Variants in PCDHGA4 observed in about 807,000 individuals in gnomAD.
PCDHGA4 encodes protocadherin gamma subfamily A, 4, also known as protocadherin gamma-A4.
A neutral mutation model predicts 54.6 loss-of-function variants in PCDHGA4; 38 were observed. That is an observed-to-expected ratio of 0.70 (90% CI 0.54 to 0.91). The LOEUF (loss-of-function observed/expected upper bound fraction) is 0.91, where lower values mean the gene tolerates loss of function less well. PCDHGA4 is among the 40% of genes least tolerant of loss of function. The pLI is 0.00. For missense variants in PCDHGA4, 1,298 were observed against 1,220.9 expected, an observed-to-expected ratio of 1.06 and a Z score of -0.94; for synonymous variants, 511 against 512.9, an observed-to-expected ratio of 1.00 and a Z score of 0.05.
chr5:141,473,925 T>C (rs1338065496), intron 1 of PCDHGA4, among the ~76,000 whole-genome samples: 1 of 152,124 alleles, frequency 6.6e-6, no homozygotes, highest in East Asian at 1.9e-4. Context: ...AACTATGAGC[T>C]GGGTGCAGTA....
At chr5:141,466,027 CAGG>C (rs1174989171) in intron 1 of PCDHGA4, among the ~76,000 whole-genome samples, 1 of 151,890 alleles carries the variant, frequency 6.6e-6, no homozygotes, top group African/African-American at 2.4e-5. Context: ...GAGGGTGAGG[CAGG>C]AGAACGGCAT....
intron 1 of PCDHGA4, chr5:141,388,637 T>C (rs993746447): frequency 6.2e-7 from 1 of 1,613,880 alleles, no homozygotes; most frequent in Non-Finnish European, 8.5e-7. Flanking sequence ...GGGTGAGCCT[T>C]TCAGAAAACG....
At chr5:141,362,741 T>C in intron 1 of PCDHGA4, 1 of 734,108 alleles carries the variant, frequency 1.4e-6, no homozygotes, top group Non-Finnish European at 2.2e-6. Flanking sequence ...TATTTACCCA[T>C]GATTGCAAAC....
intron 1 of PCDHGA4, chr5:141,420,367 T>C: frequency 7.3e-7 from 1 of 1,360,684 alleles, no homozygotes; most frequent in Non-Finnish European, 9.7e-7. Flanking sequence ...CTAGATAACT[T>C]CTTCATAGAG....
At chr5:141,414,904 A>G in intron 1 of PCDHGA4, 2 of 1,614,190 alleles carry the variant, frequency 1.2e-6, no homozygotes, top group Non-Finnish European at 1.7e-6. Context: ...AGACGGTTCC[A>G]CAGGCGTGGA....
chr5:141,364,366 G>A (rs755664508), intron 1 of PCDHGA4: 1 of 1,563,758 alleles, frequency 6.4e-7, no homozygotes, highest in South Asian at 1.2e-5. Context: ...GCTGCGGAGA[G>A]CTGCTGCTGC....
chr5:141,491,817 G>T lies in PCDHGA4; in HGVS notation c.2515-2990G>T. On this transcript the variant is annotated intron_variant, in intron 1 of 3. Transcript: ENST00000571252. The surrounding 1 kb of genome is among the most constrained non-coding windows in gnomAD (Gnocchi z 6.9). ...TCTCCGGCCGGCTTGGTCGCTGGCT[G>T]CGCTCCACCCGATTCTCGGGATCAT... 1.3e-6 allele frequency: 2 copies of T among 1,484,188 alleles called. No homozygotes were observed. The highest frequency in any genetic ancestry group is 1.8e-6 in the Non-Finnish European group (2 of 1,117,664). 91.9% of individuals were successfully genotyped at this position (1,484,188 alleles called of 1,614,324 possible).
At chr5:141,383,357 CG>C (rs1779064068) in intron 1 of PCDHGA4, 2 of 1,613,956 alleles carry the variant, frequency 1.2e-6, no homozygotes, top group Non-Finnish European at 1.7e-6. Flanking sequence ...GTTCGGTTTC[CG>C]TTAAGCGAGG....
At chr5:141,509,908 G>A (rs376035312) in intron 3 of PCDHGA4, among the ~76,000 whole-genome samples, 1 of 152,164 alleles carries the variant, frequency 6.6e-6, no homozygotes, top group African/African-American at 2.4e-5. Flanking sequence ...TCCAGCATGC[G>A]CTTAGGTACA....
chr5:141,458,496 A>T (rs905073741), intron 1 of PCDHGA4, among the ~76,000 whole-genome samples: 1 of 151,694 alleles, frequency 6.6e-6, no homozygotes, highest in Non-Finnish European at 1.5e-5. Flanking sequence ...CTGCCTGTAC[A>T]TACTGTTTGA....
intron 1 of PCDHGA4, among the ~76,000 whole-genome samples, chr5:141,464,882 A>T (rs1418376370): frequency 6.6e-6 from 1 of 151,918 alleles, no homozygotes; most frequent in Middle Eastern, 3.2e-3. Context: ...AGGACTACAG[A>T]TGGATGCCAC....
chr5:141,386,522 C>T (rs1561611649), intron 1 of PCDHGA4, among the ~76,000 whole-genome samples: 3 of 152,174 alleles, frequency 2.0e-5, no homozygotes, highest in African/African-American at 4.8e-5. Flanking sequence ...CAAAAAAAGA[C>T]TCTTTTTAGA....
intron 1 of PCDHGA4, chr5:141,364,694 G>C (rs1404182809): frequency 4.3e-6 from 7 of 1,613,976 alleles, no homozygotes; most frequent in Non-Finnish European, 5.1e-6. Flanking sequence ...AGTAGAAGTA[G>C]AAATAATCGA....
In PCDHGA4 at chr5:141,414,978, C is replaced by T. The variant is rs757917979; in HGVS notation, c.2514+57357C>T. On this transcript the variant is annotated intron_variant, in intron 1 of 3. Coordinates refer to ENST00000571252, the MANE Select transcript of PCDHGA4 (RefSeq NM_018917.4). The stretch of plus-strand genomic sequence containing the variant: ...CCAAGGTGGTGGCGGTGGACAGAGA[C>T]TCCGGCCAGAACGCCTGGCTGTCCT... 8 of 1,613,878 alleles carry T rather than the reference C, an allele frequency of 5.0e-6. No individual in the cohort carries two copies. The South Asian group carries it at 8.8e-5, about 18-fold the overall frequency.
rs200317374 is a variant in PCDHGA4 at position 141,408,395 on chromosome 5, A to G, written c.2514+50774A>G. On this transcript the variant is annotated intron_variant, in intron 1 of 3. Coordinates refer to ENST00000571252, the MANE Select transcript of PCDHGA4 (RefSeq NM_018917.4). ...CAGTGTCCTGGATGTGTCGGCTCGC[A>G]AGCTGCGAGTGAGCGCGGAGAAGCT... 8.8e-3 allele frequency: 14,159 copies of G among 1,613,888 alleles called. 310 individuals are homozygous for G. Among genetic ancestry groups the G allele is most frequent in the South Asian group, 0.064 (5,857 of 91,072 alleles).
Position 141,476,934 on chromosome 5 carries a change from A to G in PCDHGA4, c.2515-17873A>G, listed in dbSNP as rs199685528. On this transcript the variant is annotated intron_variant, in intron 1 of 3. Transcript: ENST00000571252. The surrounding 1 kb of genome is among the most constrained non-coding windows in gnomAD (Gnocchi z 7.6). ...CAAGTCCTTGCAACGGATCTGGATG[A>G]AGGCCCCAACGGTGAAATTATTTAC... 255 of 1,614,164 alleles carry G rather than the reference A, an allele frequency of 1.6e-4. 3 individuals carry two copies. In the South Asian group the frequency reaches 2.6e-3, roughly 16 times the overall value.
intron 1 of PCDHGA4, chr5:141,408,940 A>G: frequency 1.2e-6 from 2 of 1,613,658 alleles, no homozygotes; most frequent in Non-Finnish European, 1.7e-6. Context: ...GCAGAGACGA[A>G]TATAGAATTA....
chr5:141,393,735 G>T, intron 1 of PCDHGA4: 1 of 1,613,858 alleles, frequency 6.2e-7, no homozygotes, highest in Non-Finnish European at 8.5e-7. Context: ...AAAAAGTCTA[G>T]ATTATGAAGA....
At position 141,399,158 on chromosome 5, in the gene PCDHGA4, C is replaced by T. The variant is rs575806440; in HGVS notation, c.2514+41537C>T. 17 of 1,613,790 alleles carry T rather than the reference C, an allele frequency of 1.1e-5. No homozygotes were observed. The East Asian group carries it at 2.9e-4, about 27-fold the overall frequency. On this transcript the variant is annotated intron_variant, in intron 1 of 3. Transcript: ENST00000571252. The stretch of plus-strand genomic sequence containing the variant: ...GAAAATGACAATAGCCCAGAAGTTA[C>T]ATTCCATTCTCTACTTGAAATGATT...
Sources: allele counts gnomAD v4.1 joint callset (sites outside exome capture counted in the v4.1 genomes callset), GRCh38; gene constraint gnomAD v4.1.1; non-coding constraint Gnocchi (gnomAD v3.1); transcripts MANE v1.5; gene names NCBI Gene and HGNC (gene_info 2026-07-23, HGNC 2026-07-21).